The following ANKRD6 variants were observed in gnomAD, a reference collection of about 807,000 sequenced individuals.
ANKRD6 encodes ankyrin repeat domain-containing protein 6.
Under a neutral mutation model 82.3 loss-of-function variants are expected in ANKRD6, and 56 were observed. The ratio of observed to expected loss-of-function variants is 0.68; its 90% CI spans 0.55 to 0.85. The LOEUF (loss-of-function observed/expected upper bound fraction) is 0.85. Ranked by LOEUF, ANKRD6 falls within the 40% of genes least tolerant of loss-of-function variation. The pLI is 0.00. For missense variants in ANKRD6, 852 were observed against 907.6 expected, an observed-to-expected ratio of 0.94 and a Z score of 0.79; for synonymous variants, 347 against 352.1, an observed-to-expected ratio of 0.99 and a Z score of 0.16.
rs1187022880 is a variant in ANKRD6, at chr6:89,633,140, G to T, written c.*2136G>T. Reference sequence around the variant, plus strand: ...CACAGGGAAGAGACTACAGAAGAATGAGAAGGGTCAAAAGGACCTAGTGTG... The same window carrying T: ...CACAGGGAAGAGACTACAGAAGAATTAGAAGGGTCAAAAGGACCTAGTGTG... On this transcript the variant is annotated 3_prime_UTR_variant, in exon 16 of 16. Coordinates refer to ENST00000339746, the MANE Select transcript of ANKRD6 (RefSeq NM_001242809.2). 1 of 152,170 alleles carries T rather than the reference G, an allele frequency of 6.6e-6. No individual in the cohort carries two copies. Among genetic ancestry groups the T allele is most frequent in the African/African-American group, 2.4e-5 (1 of 41,430 alleles). 9.4% of individuals were successfully genotyped at this position (152,170 alleles called of 1,614,324 possible). A position where few individuals can be genotyped will look rare whatever the true frequency, so the allele number is the denominator to read the frequency against.
intron 2 of ANKRD6, among the ~76,000 whole-genome samples, chr6:89,576,161 C>T (rs886294679): frequency 6.6e-6 from 1 of 152,124 alleles, no homozygotes; most frequent in Non-Finnish European, 1.5e-5. Context: ...ACTCCATTCT[C>T]CTGCCTCAGC....
rs1468420292 is a variant in ANKRD6, at chr6:89,630,433, G to T, written c.1613G>T (p.Gly538Val). ...STPSTCESSTGVDQLVVTAGP... is the reference protein window; with the variant it reads ...STPSTCESSTVVDQLVVTAGP... ...ACGTTTGTTTTCCTTCTGAAACCAG[G>T]TGTGGACCAATTAGTGGTGACTGCA... The change falls in exon 16 of 16, where the codon GGT becomes GTT. Residue 538 changes from glycine (G) to valine (V), a missense_variant and splice_region_variant. Gly to Val is a moderately radical substitution (Grantham distance 109). Coordinates refer to ENST00000339746, the MANE Select transcript of ANKRD6 (RefSeq NM_001242809.2). 5 of 1,609,710 alleles carry T rather than the reference G, an allele frequency of 3.1e-6. No homozygotes were observed. In the South Asian group the frequency reaches 5.5e-5, roughly 18 times the overall value.
chr6:89,613,881 A>G lies in ANKRD6; in HGVS notation c.606A>G (p.Glu202=), dbSNP rs1800844174. The G allele has an allele frequency of 6.2e-7, 1 of 1,613,930 alleles. No individual in the cohort carries two copies. Among genetic ancestry groups the G allele is most frequent in the Non-Finnish European group, 8.5e-7 (1 of 1,179,868 alleles). Residue 202 remains glutamate, a synonymous_variant, in exon 7 of 16, where the codon GAA becomes GAG. Transcript: ENST00000339746. ...LLLTAFCSVH[E]KNQAGDTALH... ...TCACTGCTTTCTGTTCTGTCCATGAAAAGAACCAGGTCAGTGCATGTATTC... is the reference window on the plus strand; with the variant it reads ...TCACTGCTTTCTGTTCTGTCCATGAGAAGAACCAGGTCAGTGCATGTATTC...
intron 1 of ANKRD6, among the ~76,000 whole-genome samples, chr6:89,491,829 A>G (rs1484478270): frequency 6.6e-6 from 1 of 152,138 alleles, no homozygotes; most frequent in African/African-American, 2.4e-5. Flanking sequence ...TCCTCTCCTT[A>G]TACCTGGAGG....
intron 2 of ANKRD6, among the ~76,000 whole-genome samples, chr6:89,576,330 G>A (rs1350448413): frequency 1.3e-5 from 2 of 152,070 alleles, no homozygotes; most frequent in South Asian, 2.1e-4. Context: ...GATTACAGGC[G>A]TGAGCCACCA....
chr6:89,555,105 C>A (rs1381696641), intron 1 of ANKRD6, among the ~76,000 whole-genome samples: 2 of 133,572 alleles, frequency 1.5e-5, no homozygotes, highest in African/African-American at 5.6e-5. Flanking sequence ...TCTCTCCCCC[C>A]TCCCCCGCCT....
At chr6:89,571,553 C>T (rs1206929846) in intron 2 of ANKRD6, among the ~76,000 whole-genome samples, 1 of 151,810 alleles carries the variant, frequency 6.6e-6, no homozygotes, top group Admixed American at 6.6e-5. Flanking sequence ...AGATATTAAT[C>T]CTTTATCATA....
intron 1 of ANKRD6, among the ~76,000 whole-genome samples, chr6:89,502,880 T>C (rs971949438): frequency 2.6e-5 from 4 of 152,018 alleles, no homozygotes; most frequent in Admixed American, 2.6e-4. Flanking sequence ...GGGACTGGGG[T>C]GTGGAGGTGG....
In ANKRD6 at chr6:89,484,692, A is replaced by G. The variant is rs1355456762; in HGVS notation, c.-144+51317A>G. Among the ~76,000 whole-genome samples the G allele has an allele frequency of 1.3e-5, 2 of 152,240 alleles. 1 individual carries two copies. The highest frequency in any genetic ancestry group is 4.8e-5 in the African/African-American group (2 of 41,460). On this transcript the variant is annotated intron_variant, in intron 1 of 15. Transcript: ENST00000339746. ...TTTTTGCTCTTTTAAAAGTAATTAC[A>G]GTAATAGAATTATGTTTACATTCCA...
chr6:89,624,728 T>A (rs1199328949), intron 13 of ANKRD6, 37 bp downstream of exon 13: 5 of 1,587,822 alleles, frequency 3.1e-6, no homozygotes, highest in Non-Finnish European at 4.3e-6. Flanking sequence ...TTGCAAGGTG[T>A]TCTGGCAGAA....
intron 2 of ANKRD6, among the ~76,000 whole-genome samples, chr6:89,571,530 C>T (rs933344993): frequency 1.3e-5 from 2 of 151,914 alleles, no homozygotes; most frequent in African/African-American, 4.8e-5. Flanking sequence ...TGTAAGAGTT[C>T]TTTATATATT....
intron 5 of ANKRD6, among the ~76,000 whole-genome samples, chr6:89,610,570 G>C (rs1459328904): frequency 6.6e-6 from 1 of 151,954 alleles, no homozygotes; most frequent in Non-Finnish European, 1.5e-5. Flanking sequence ...ATAAGCTTTG[G>C]TATGATCTAT....
At chr6:89,574,307 A>G (rs1254614447) in intron 2 of ANKRD6, among the ~76,000 whole-genome samples, 2 of 133,534 alleles carry the variant, frequency 1.5e-5, no homozygotes, top group Non-Finnish European at 3.3e-5. Flanking sequence ...CTTTCCTTGG[A>G]TTTTGACAAC....
intron 3 of ANKRD6, among the ~76,000 whole-genome samples, chr6:89,601,135 A>G (rs1320218941): frequency 2.0e-5 from 3 of 152,184 alleles, no homozygotes; most frequent in African/African-American, 7.2e-5. Context: ...TAGACAGCGC[A>G]AATGGCACAG....
At chr6:89,453,414 T>G (rs1015745372) in intron 1 of ANKRD6, among the ~76,000 whole-genome samples, 6 of 152,252 alleles carry the variant, frequency 3.9e-5, no homozygotes, top group Admixed American at 2.6e-4. Context: ...TAAAAACTTA[T>G]CAAGAGTAGT....
At chr6:89,441,042 A>G (rs554658373) in intron 1 of ANKRD6, among the ~76,000 whole-genome samples, 1 of 152,342 alleles carries the variant, frequency 6.6e-6, no homozygotes. Context: ...CAAAATTAGT[A>G]TAACTCAGTT....
chr6:89,621,859 G>T (rs946972329), intron 9 of ANKRD6, 63 bp from the exon 10 acceptor site: 2 of 1,518,028 alleles, frequency 1.3e-6, no homozygotes, highest in East Asian at 2.3e-5. Flanking sequence ...GGTCCAAGGA[G>T]AATTCTCTCA....
At position 89,617,937 on chromosome 6, in the gene ANKRD6, A is replaced by C. The variant is rs776161089; in HGVS notation, c.715-17A>C. On this transcript the variant is annotated splice_polypyrimidine_tract_variant and intron_variant, in intron 8 of 15. Transcript: ENST00000339746. Reference sequence around the variant, plus strand: ...CCCGTGGCCCTTTCTCACCTGTCCTACTCTGCCTCTCCTCAGGCAGGCCAG... The same window carrying C: ...CCCGTGGCCCTTTCTCACCTGTCCTCCTCTGCCTCTCCTCAGGCAGGCCAG... The C allele has an allele frequency of 1.1e-5, 17 of 1,612,534 alleles. No individual in the cohort carries two copies. Among genetic ancestry groups the C allele is most frequent in the Admixed American group, 1.7e-5 (1 of 59,942 alleles).
intron 12 of ANKRD6, 144 bp from the exon 13 acceptor site, chr6:89,624,395 A>G: frequency 9.0e-7 from 1 of 1,107,676 alleles, no homozygotes. Context: ...GGCCTATAAG[A>G]TGTTCCAAAG....
Sources: gnomAD v4.1 joint callset for allele counts (sites outside exome capture counted in the v4.1 genomes callset) on GRCh38, gnomAD v4.1.1 for gene constraint, MANE v1.5 for transcripts, NCBI Gene and HGNC (gene_info 2026-07-23, HGNC 2026-07-21) for gene names.